Variants in DLGAP2 observed in about 807,000 individuals in gnomAD.
The protein encoded by DLGAP2 is DLG associated protein 2, also known as disks large-associated protein 2.
Under a neutral mutation model 100.3 loss-of-function variants are expected in DLGAP2, and 26 were observed. The observed-to-expected ratio is 0.26, with a 90% CI of 0.19 to 0.36. The LOEUF (loss-of-function observed/expected upper bound fraction) is 0.36, where lower values mean the gene tolerates loss of function less well. Among genes scored for constraint, DLGAP2 ranks in the 10% least tolerant of loss-of-function variants. The probability of loss-of-function intolerance (pLI) is 1.00; values close to 1 mark genes in which losing one functional copy is unlikely to be tolerated. For synonymous variants in DLGAP2, 886 were observed against 630.1 expected, an observed-to-expected ratio of 1.41 and a Z score of -6.08; for missense variants, 1,858 against 1,453.2, an observed-to-expected ratio of 1.28 and a Z score of -4.53.
chr8:1,465,601 G>A lies in DLGAP2; in HGVS notation c.107-35765G>A, dbSNP rs149207007. ...CACCACCCTCCAGGAACCTCCACGG[G>A]TTCAGGTGTCTGGAAGCTCCACAAA... On this transcript the variant is annotated intron_variant, in intron 3 of 14. Transcript: ENST00000637795. 1.7e-4 allele frequency among the ~76,000 whole-genome samples: 26 copies of A among 152,326 alleles called. No individual in the cohort carries two copies. In the East Asian group the frequency reaches 3.9e-3, roughly 23 times the overall value.
At chr8:1,479,209 C>T (rs1799021082) in intron 3 of DLGAP2, among the ~76,000 whole-genome samples, 1 of 152,220 alleles carries the variant, frequency 6.6e-6, no homozygotes, top group Non-Finnish European at 1.5e-5. Context: ...TCAGGTCTAA[C>T]ACGATGCTCC....
intron 2 of DLGAP2, among the ~76,000 whole-genome samples, chr8:1,110,561 G>T (rs146433666): frequency 1.3e-5 from 2 of 152,066 alleles, no homozygotes; most frequent in East Asian, 3.9e-4. Context: ...AGGTGTGCAC[G>T]TGCCTGTGAA....
At chr8:1,168,466 A>G (rs1396447959) in intron 2 of DLGAP2, among the ~76,000 whole-genome samples, 5 of 149,426 alleles carry the variant, frequency 3.3e-5, no homozygotes, top group Admixed American at 2.7e-4. Flanking sequence ...ACTGACTTCC[A>G]CAATGCTTGA....
chr8:1,706,848 G>A lies in DLGAP2; in HGVS notation c.*5442G>A, dbSNP rs1400600198. The A allele has an allele frequency of 6.6e-6, 1 of 152,196 alleles. No individual in the cohort carries two copies. Among genetic ancestry groups the A allele is most frequent in the East Asian group, 1.9e-4 (1 of 5,198 alleles). The allele number at this position is 152,196 out of a possible 1,614,324, so 9.4% of individuals were successfully genotyped here. On this transcript the variant is annotated 3_prime_UTR_variant, in exon 15 of 15. Coordinates refer to ENST00000637795, the MANE Select transcript of DLGAP2 (RefSeq NM_001346810.2). ...CCCACCCCTCTAATTCCAGGCGTTT[G>A]TAATTTTTCTACTTCGCACTTGAGA...
At chr8:854,676 C>T (rs1797244001) in intron 1 of DLGAP2, among the ~76,000 whole-genome samples, 1 of 152,080 alleles carries the variant, frequency 6.6e-6, no homozygotes, top group Non-Finnish European at 1.5e-5. Flanking sequence ...CATGTGTGTG[C>T]ATATGTGCTT....
chr8:1,087,218 CA>C (rs1328639185), intron 2 of DLGAP2, among the ~76,000 whole-genome samples: 1 of 152,172 alleles, frequency 6.6e-6, no homozygotes, highest in Non-Finnish European at 1.5e-5. Flanking sequence ...ATATGAGATG[CA>C]GCAAAAGCAA....
intron 1 of DLGAP2, among the ~76,000 whole-genome samples, chr8:885,690 G>A (rs542289328): frequency 4.3e-4 from 66 of 152,254 alleles, no homozygotes; most frequent in African/African-American, 1.1e-3. Context: ...GGGCCTCCTC[G>A]TCTTGTGCTG....
At chr8:1,150,832 A>T (rs1796685238) in intron 2 of DLGAP2, among the ~76,000 whole-genome samples, 1 of 152,238 alleles carries the variant, frequency 6.6e-6, no homozygotes, top group Non-Finnish European at 1.5e-5. Context: ...ACTAAATATC[A>T]TTATTTGAAA....
chr8:1,181,966 C>T lies in DLGAP2; in HGVS notation c.74-76885C>T, dbSNP rs180917871. 1.1e-3 allele frequency among the ~76,000 whole-genome samples: 160 copies of T among 152,366 alleles called. 1 individual carries two copies. The highest frequency in any genetic ancestry group is 3.6e-3 in the African/African-American group (150 of 41,586). Reference sequence around the variant, plus strand: ...ATAACATTTTAGGTGAACATAGATACAGCAGATAGTTGAGGCAGAAGGTGA... The same window carrying T: ...ATAACATTTTAGGTGAACATAGATATAGCAGATAGTTGAGGCAGAAGGTGA... On this transcript the variant is annotated intron_variant, in intron 2 of 14. Coordinates refer to ENST00000637795, the MANE Select transcript of DLGAP2 (RefSeq NM_001346810.2).
rs545588056 is a variant in DLGAP2 at position 1,048,421 on chromosome 8, C to A, written c.73+140455C>A. ...TCTCAGTAAGTGCTGATTCTAAAAC[C>A]TGCCACCGGGTGTTCACAGGTAGCG... On this transcript the variant is annotated intron_variant, in intron 2 of 14. Transcript: ENST00000637795. Among the ~76,000 whole-genome samples, 3 of 152,182 alleles carry A rather than the reference C, an allele frequency of 2.0e-5. No homozygotes were observed. The South Asian group carries it at 6.2e-4, about 32-fold the overall frequency.
At chr8:1,487,122 G>A (rs1351618351) in intron 3 of DLGAP2, among the ~76,000 whole-genome samples, 4 of 152,138 alleles carry the variant, frequency 2.6e-5, no homozygotes, top group Non-Finnish European at 5.9e-5. Context: ...GTACTTATTT[G>A]GTTTTCTGCG....
intron 1 of DLGAP2, among the ~76,000 whole-genome samples, chr8:825,739 A>G (rs770771222): frequency 2.0e-5 from 3 of 152,146 alleles, no homozygotes; most frequent in Non-Finnish European, 2.9e-5. Flanking sequence ...GTATTTATTT[A>G]TGGGCTACTT....
intron 2 of DLGAP2, among the ~76,000 whole-genome samples, chr8:1,161,812 C>A (rs1025629663): frequency 5.6e-5 from 8 of 143,144 alleles, no homozygotes; most frequent in Non-Finnish European, 8.0e-5. Context: ...TGGGGATAGA[C>A]AGAGGCCACA....
chr8:1,257,500 C>A (rs1005571492), intron 2 of DLGAP2, among the ~76,000 whole-genome samples: 1 of 126,558 alleles, frequency 7.9e-6, no homozygotes, highest in African/African-American at 2.8e-5. Flanking sequence ...CTTGTCCGTG[C>A]CTTTCCTGGG....
At chr8:1,332,510 TG>T (rs1238362889) in intron 3 of DLGAP2, among the ~76,000 whole-genome samples, 1 of 152,208 alleles carries the variant, frequency 6.6e-6, no homozygotes, top group Non-Finnish European at 1.5e-5. Flanking sequence ...TACTCATATC[TG>T]CACGTGTGTG....
At chr8:790,578 C>T (rs1821998798) in intron 1 of DLGAP2, among the ~76,000 whole-genome samples, 1 of 151,956 alleles carries the variant, frequency 6.6e-6, no homozygotes, top group Admixed American at 6.6e-5. Flanking sequence ...TTTCCTGGTC[C>T]CAGTGTAAAA....
At chr8:1,411,768 G>A (rs1584871953) in intron 3 of DLGAP2, among the ~76,000 whole-genome samples, 1 of 152,174 alleles carries the variant, frequency 6.6e-6, no homozygotes, top group African/African-American at 2.4e-5. Context: ...GAACTTTCCA[G>A]AACTTGAATT....
chr8:948,958 G>C (rs1289803406), intron 2 of DLGAP2, among the ~76,000 whole-genome samples: 11 of 151,146 alleles, frequency 7.3e-5, no homozygotes, highest in Non-Finnish European at 1.0e-4. Context: ...CAGGGCCCGT[G>C]GGCGTGACTG....
chr8:1,504,836 G>A (rs552743968), intron 4 of DLGAP2, among the ~76,000 whole-genome samples: 41 of 152,298 alleles, frequency 2.7e-4, no homozygotes, highest in African/African-American at 8.9e-4. Context: ...TAACGAACAC[G>A]AGAGAGCAGA....
Sources: gnomAD v4.1 joint callset for allele counts (sites outside exome capture counted in the v4.1 genomes callset) on GRCh38, gnomAD v4.1.1 for gene constraint, MANE v1.5 for transcripts, NCBI Gene and HGNC (gene_info 2026-07-23, HGNC 2026-07-21) for gene names.